Variants in IL1RAPL2 observed in about 807,000 individuals in gnomAD.
IL1RAPL2 encodes X-linked interleukin-1 receptor accessory protein-like 2.
Under a neutral mutation model 44.1 loss-of-function variants are expected in IL1RAPL2, and 3 were observed. The observed-to-expected ratio is 0.07, with a 90% confidence interval of 0.03 to 0.18. IL1RAPL2 has a LOEUF of 0.18. Ranked by LOEUF, IL1RAPL2 falls within the 10% of genes least tolerant of loss-of-function variation. The probability of loss-of-function intolerance (pLI) is 1.00; values close to 1 mark genes in which losing one functional copy is unlikely to be tolerated. For synonymous variants in IL1RAPL2, 181 were observed against 178.8 expected (o/e 1.01, Z -0.10); for missense variants, 391 against 496.4 (o/e 0.79, Z 2.02).
intron 2 of IL1RAPL2, among the ~76,000 whole-genome samples, chrX:104,977,300 G>T (rs2030356710): frequency 8.9e-6 from 1 of 112,115 alleles, no homozygotes; most frequent in Admixed American, 9.4e-5. Context: ...ATTCAAGGTG[G>T]TACTACTGTG....
chrX:104,676,677 T>A (rs1019011120), intron 2 of IL1RAPL2, among the ~76,000 whole-genome samples: 1 of 112,143 alleles, frequency 8.9e-6, no homozygotes, highest in Non-Finnish European at 1.9e-5. Flanking sequence ...TTCTCCTGGA[T>A]AATATCCTGC....
chrX:105,563,042 A>G (rs776659434), intron 6 of IL1RAPL2, among the ~76,000 whole-genome samples: 3 of 111,940 alleles, frequency 2.7e-5, no homozygotes, highest in Admixed American at 9.5e-5. Flanking sequence ...GGTAAGGTAA[A>G]AGACAGTAAG....
At chrX:105,519,430 TG>T (rs1321679485) in intron 6 of IL1RAPL2, among the ~76,000 whole-genome samples, 2 of 111,174 alleles carry the variant, frequency 1.8e-5, no homozygotes, top group African/African-American at 6.6e-5. Context: ...GGAAATTTGA[TG>T]TAAGGCAGGT....
At chrX:105,451,514 AG>A (rs1288283955) in intron 5 of IL1RAPL2, among the ~76,000 whole-genome samples, 1 of 112,137 alleles carries the variant, frequency 8.9e-6, no homozygotes, top group Non-Finnish European at 1.9e-5. Flanking sequence ...CAGATATTAA[AG>A]TGTTAAAGAG....
chrX:104,955,369 T>C (rs1026694922), intron 2 of IL1RAPL2, among the ~76,000 whole-genome samples: 1 of 110,104 alleles, frequency 9.1e-6, no homozygotes, highest in Non-Finnish European at 1.9e-5. Flanking sequence ...TTTAACATGC[T>C]TTCTATGTAG....
chrX:105,344,317 T>C (rs1018502356), intron 5 of IL1RAPL2, among the ~76,000 whole-genome samples: 1 of 111,977 alleles, frequency 8.9e-6, no homozygotes, highest in Admixed American at 9.5e-5. Flanking sequence ...ACTCCTGGGT[T>C]TGAATTTCTG....
chrX:105,547,721 T>C (rs1221176024), intron 6 of IL1RAPL2, among the ~76,000 whole-genome samples: 2 of 112,455 alleles, frequency 1.8e-5, no homozygotes, highest in Non-Finnish European at 3.8e-5. Flanking sequence ...AAACTTCAGA[T>C]GGTGGGACTG....
intron 6 of IL1RAPL2, among the ~76,000 whole-genome samples, chrX:105,669,273 T>C (rs1323663955): frequency 8.9e-6 from 1 of 111,951 alleles, no homozygotes; most frequent in Non-Finnish European, 1.9e-5. Flanking sequence ...TATTTCTCAT[T>C]CATTACGCTT....
chrX:105,614,843 TAAA>T (rs201370800), intron 6 of IL1RAPL2, among the ~76,000 whole-genome samples: 1 of 111,143 alleles, frequency 9.0e-6, no homozygotes, highest in Non-Finnish European at 1.9e-5. Context: ...CACATCAAGT[TAAA>T]AAACTTCGGC....
chrX:105,065,439 C>G (rs187574328), intron 2 of IL1RAPL2, among the ~76,000 whole-genome samples: 1 of 111,720 alleles, frequency 9.0e-6, no homozygotes, highest in East Asian at 2.8e-4. Context: ...GCACTAGTTT[C>G]TCCCTCTGGT....
In IL1RAPL2 at chrX:104,640,751, C is replaced by A. The variant is rs540285786; in HGVS notation, c.-19-18144C>A. 4.5e-5 allele frequency among the ~76,000 whole-genome samples: 5 copies of A among 112,082 alleles called. No homozygotes were observed. In the South Asian group the frequency reaches 1.9e-3, roughly 42 times the overall value. ...TAGTGTAGTAATCTCCATATGATTT[C>A]TTCTGCTATATAGCATCGTTAATGC... On this transcript the variant is annotated intron_variant, in intron 1 of 10. Transcript: ENST00000372582.
intron 1 of IL1RAPL2, among the ~76,000 whole-genome samples, chrX:104,582,749 C>CT (rs1177807207): frequency 7.4e-5 from 6 of 80,961 alleles, no homozygotes; most frequent in African/African-American, 2.5e-4. Context: ...TCCTTCCTTC[C>CT]TTCTTTCTTT....
intron 2 of IL1RAPL2, among the ~76,000 whole-genome samples, chrX:104,688,500 C>G (rs1003608346): frequency 9.0e-6 from 1 of 111,466 alleles, no homozygotes; most frequent in East Asian, 2.8e-4. Context: ...TCCTACACCC[C>G]CAACGCTTAA....
At chrX:105,084,261 A>G (rs144848394) in intron 2 of IL1RAPL2, among the ~76,000 whole-genome samples, 2,380 of 112,655 alleles carry the variant, frequency 0.021, 66 homozygotes, top group African/African-American at 0.07. Flanking sequence ...TCCAAACCCC[A>G]GAATGATAGA....
chrX:105,697,221 G>T (rs1274350369), intron 6 of IL1RAPL2, among the ~76,000 whole-genome samples: 1 of 106,949 alleles, frequency 9.4e-6, no homozygotes, highest in Non-Finnish European at 1.9e-5. Context: ...CAACCTTGGG[G>T]TTCACATATC....
At chrX:104,585,371 T>TATATAATATATATTATATATA (rs1928533618) in intron 1 of IL1RAPL2, among the ~76,000 whole-genome samples, 1 of 22,200 alleles carries the variant, frequency 4.5e-5, no homozygotes, top group East Asian at 2.0e-3. Flanking sequence ...TTATATATAT[T>TATATAATATATATTATATATA]ATATATAATA....
chrX:105,079,291 C>G (rs1218840010), intron 2 of IL1RAPL2, among the ~76,000 whole-genome samples: 1 of 110,496 alleles, frequency 9.1e-6, no homozygotes, highest in South Asian at 3.9e-4. Context: ...ACTAGAAATA[C>G]CATTTGACCT....
At chrX:105,492,054 C>T (rs2036323826) in intron 6 of IL1RAPL2, among the ~76,000 whole-genome samples, 1 of 111,596 alleles carries the variant, frequency 9.0e-6, no homozygotes, top group Non-Finnish European at 1.9e-5. Flanking sequence ...GGTGTTTCAT[C>T]ATATTTTTAA....
chrX:104,597,579 G>T (rs191158477), intron 1 of IL1RAPL2, among the ~76,000 whole-genome samples: 1 of 111,761 alleles, frequency 8.9e-6, no homozygotes, highest in Non-Finnish European at 1.9e-5. Context: ...CCATGAAGAA[G>T]AAGAGTTTGG....
Sources: gnomAD v4.1 joint callset for allele counts (sites outside exome capture counted in the v4.1 genomes callset) on GRCh38, gnomAD v4.1.1 for gene constraint, MANE v1.5 for transcripts, NCBI Gene and HGNC (gene_info 2026-07-23, HGNC 2026-07-21) for gene names.